NAA25: variants seen among roughly 807,000 people sequenced by gnomAD.
NAA25 encodes the protein N-alpha-acetyltransferase 25, NatB auxiliary subunit.
In NAA25, 30 loss-of-function variants were observed where a neutral mutation model predicts 132.5. The observed-to-expected ratio is 0.23, with a 90% CI of 0.17 to 0.31. The LOEUF (loss-of-function observed/expected upper bound fraction) is 0.31. Among genes scored for constraint, NAA25 ranks in the 10% least tolerant of loss-of-function variants. NAA25 has a pLI of 1.00. For missense variants in NAA25, 771 were observed against 1,150.4 expected (o/e 0.67, Z 4.77); for synonymous variants, 359 against 401.9 (o/e 0.89, Z 1.28).
chr12:112,101,921 C>T (rs1038121000), intron 1 of NAA25, among the ~76,000 whole-genome samples: 46 of 148,378 alleles, frequency 3.1e-4, no homozygotes, highest in Non-Finnish European at 5.9e-4. Context: ...GGCTGCAGTA[C>T]AGTGGTGCAA....
At chr12:112,063,279 G>A (rs1175840880) in intron 11 of NAA25, among the ~76,000 whole-genome samples, 1 of 152,144 alleles carries the variant, frequency 6.6e-6, no homozygotes, top group Non-Finnish European at 1.5e-5. Context: ...GGCACCAGGT[G>A]TCCCTAAAGG....
chr12:112,050,927 A>G (rs2078456238), intron 15 of NAA25, among the ~76,000 whole-genome samples: 1 of 152,198 alleles, frequency 6.6e-6, no homozygotes, highest in African/African-American at 2.4e-5. Context: ...CCATTTAAGT[A>G]AAAGTGTCCT....
At chr12:112,076,593 T>C (rs1178190905) in intron 7 of NAA25, among the ~76,000 whole-genome samples, 1 of 152,060 alleles carries the variant, frequency 6.6e-6, no homozygotes, top group Non-Finnish European at 1.5e-5. Context: ...CTGACCAAAT[T>C]AGATTTGCCC....
chr12:112,106,876 C>T (rs2079368224), intron 1 of NAA25, among the ~76,000 whole-genome samples: 1 of 149,424 alleles, frequency 6.7e-6, no homozygotes, highest in African/African-American at 2.5e-5. Context: ...TCACTTGAAC[C>T]CAGGAGGCGG....
At position 112,043,214 on chromosome 12, in the gene NAA25, G is replaced by A. The variant is rs1473037682; in HGVS notation, c.2251-3C>T. The A allele has an allele frequency of 6.4e-7, 1 of 1,571,750 alleles. No individual in the cohort carries two copies. The highest frequency in any genetic ancestry group is 1.2e-5 in the South Asian group (1 of 84,698). Reference sequence around the variant, plus strand: ...GGTACAGGACCAAGGAAAGGATACTGGAAAAAAGGGAGAAAAATAATGCTC... The same window carrying A: ...GGTACAGGACCAAGGAAAGGATACTAGAAAAAAGGGAGAAAAATAATGCTC... On this transcript the variant is annotated splice_region_variant and splice_polypyrimidine_tract_variant and intron_variant, in intron 18 of 23. Coordinates refer to ENST00000261745, the MANE Select transcript of NAA25 (RefSeq NM_024953.4).
chr12:112,091,819 G>T (rs1433761127), intron 2 of NAA25, among the ~76,000 whole-genome samples: 1 of 152,154 alleles, frequency 6.6e-6, no homozygotes, highest in Non-Finnish European at 1.5e-5. Context: ...TCATGATTGT[G>T]CTATTGCACT....
chr12:112,106,331 G>T (rs985780499), intron 1 of NAA25, among the ~76,000 whole-genome samples: 2 of 151,772 alleles, frequency 1.3e-5, no homozygotes, highest in Admixed American at 1.3e-4. Context: ...AATTCTCTTT[G>T]GTCCTCAAGA....
intron 7 of NAA25, among the ~76,000 whole-genome samples, chr12:112,077,800 AT>A (rs1054599390): frequency 1.7e-4 from 26 of 151,876 alleles, no homozygotes; most frequent in African/African-American, 4.8e-4. Context: ...TTAAAGAAAA[AT>A]TTTTTTTAAA....
chr12:112,063,418 C>CCAGAGACAGAGT (rs879564292), intron 11 of NAA25, among the ~76,000 whole-genome samples: 11 of 152,108 alleles, frequency 7.2e-5, no homozygotes, highest in Non-Finnish European at 1.2e-4. Flanking sequence ...AGGCACTGAA[C>CCAGAGACAGAGT]CAGAGACAGA....
At chr12:112,073,910 C>G (rs538035619) in intron 9 of NAA25, among the ~76,000 whole-genome samples, 1 of 150,560 alleles carries the variant, frequency 6.6e-6, no homozygotes, top group Admixed American at 6.6e-5. Flanking sequence ...ACTCTTAAGC[C>G]ACTGGGGGGA....
At chr12:112,092,706 C>T (rs551912526) in intron 2 of NAA25, among the ~76,000 whole-genome samples, 1 of 146,630 alleles carries the variant, frequency 6.8e-6, no homozygotes, top group African/African-American at 2.5e-5. Flanking sequence ...GAGACGGAGT[C>T]TCACTCTGTC....
chr12:112,044,968 G>C (rs1012021252), intron 17 of NAA25, among the ~76,000 whole-genome samples: 3 of 151,386 alleles, frequency 2.0e-5, no homozygotes, highest in African/African-American at 4.9e-5. Context: ...TTGGAGGATT[G>C]CTTGAGCCCA....
intron 8 of NAA25, 61 bp from the exon 9 acceptor site, chr12:112,074,825 G>A: frequency 8.9e-7 from 1 of 1,123,424 alleles, no homozygotes; most frequent in Middle Eastern, 2.0e-4. Flanking sequence ...ATCTTCCTTA[G>A]GAACCATGAT....
At chr12:112,082,210 T>TGG (rs2078983000) in intron 4 of NAA25, among the ~76,000 whole-genome samples, 1 of 152,072 alleles carries the variant, frequency 6.6e-6, no homozygotes, top group Non-Finnish European at 1.5e-5. Flanking sequence ...ATCGTGCCAC[T>TGG]GCACTCTAGC....
intron 1 of NAA25, among the ~76,000 whole-genome samples, chr12:112,096,142 A>G (rs562767595): frequency 6.6e-6 from 1 of 152,332 alleles, no homozygotes; most frequent in South Asian, 2.1e-4. Flanking sequence ...TATGCTCTAA[A>G]AACAGTCTAT....
At chr12:112,082,349 A>G (rs2078985005) in intron 4 of NAA25, among the ~76,000 whole-genome samples, 1 of 152,192 alleles carries the variant, frequency 6.6e-6, no homozygotes, top group African/African-American at 2.4e-5. Flanking sequence ...CAGGAGGATC[A>G]TTTGAGCCCA....
At position 112,048,320 on chromosome 12, in the gene NAA25, G is replaced by C. The variant is rs1411486951; in HGVS notation, c.1852C>G (p.Leu618Val). 6.2e-7 allele frequency: 1 copy of C among 1,613,682 alleles called. No homozygotes were observed. Among genetic ancestry groups the C allele is most frequent in the Non-Finnish European group, 8.5e-7 (1 of 1,179,846 alleles). ...TTTGCTTCAAGTAGAAGGTCTAACA[G>C]CATCCGTTCAGTACGGACTTGTGCA... ...HFAQVRTERM[L>V]LDLLLEANIS... Residue 618 changes from leucine (L) to valine (V), a missense_variant, in exon 16 of 24, where the codon CTG becomes GTG. Leu to Val is a conservative substitution (Grantham distance 32). Coordinates refer to ENST00000261745, the MANE Select transcript of NAA25 (RefSeq NM_024953.4).
chr12:112,061,474 G>A (rs1593781652), intron 11 of NAA25, 86 bp from the exon 12 acceptor site: 33 of 938,774 alleles, frequency 3.5e-5, no homozygotes, highest in East Asian at 2.5e-4. Context: ...GAATGGTCTA[G>A]AAAAAGACAT....
chr12:112,033,154 C>A, intron 23 of NAA25, 79 bp downstream of exon 23: 1 of 1,415,932 alleles, frequency 7.1e-7, no homozygotes. Context: ...TTAACTTGTC[C>A]TTGTGATAAA....
Sources: gnomAD v4.1 joint callset for allele counts (sites outside exome capture counted in the v4.1 genomes callset) on GRCh38, gnomAD v4.1.1 for gene constraint, MANE v1.5 for transcripts, NCBI Gene and HGNC (gene_info 2026-07-23, HGNC 2026-07-21) for gene names.